The following SPART variants were observed in gnomAD, a reference collection of about 807,000 sequenced individuals.
The protein encoded by SPART is spartin, also known as spastic paraplegia 20 (Troyer syndrome).
In SPART, 35 loss-of-function variants were observed where a neutral mutation model predicts 58.7. The ratio of observed to expected loss-of-function variants is 0.60; its 90% CI spans 0.46 to 0.79. SPART has a LOEUF of 0.79. Ranked by LOEUF, SPART falls within the 30% of genes least tolerant of loss-of-function variation. The probability of loss-of-function intolerance (pLI) is 0.00; values close to 1 mark genes in which losing one functional copy is unlikely to be tolerated. For synonymous variants in SPART, 284 were observed against 280.7 expected (o/e 1.01, Z -0.12); for missense variants, 730 against 786.1 (o/e 0.93, Z 0.85).
intron 1 of SPART, chr13:36,369,995 C>T (rs1036310351): frequency 2.6e-5 from 4 of 152,194 alleles, no homozygotes; most frequent in South Asian, 2.1e-4. Context: ...CCTCCGGCCC[C>T]GCCCAATACC....
At chr13:36,347,528 C>G (rs996996995), upstream of SPART, among the ~76,000 whole-genome samples, 2 of 152,210 alleles carry the variant, frequency 1.3e-5, no homozygotes, top group Non-Finnish European at 2.9e-5. Flanking sequence ...GCTGGGATTA[C>G]AGGCGTGAGT....
chr13:36,340,534 G>A (rs1884477778), intron 1 of SPART, among the ~76,000 whole-genome samples: 1 of 151,972 alleles, frequency 6.6e-6, no homozygotes, highest in African/African-American at 2.4e-5. Context: ...AATAGAAGAA[G>A]GAAATTATAC....
At chr13:36,357,712 G>A (rs902865879) in intron 1 of SPART, among the ~76,000 whole-genome samples, 1 of 152,134 alleles carries the variant, frequency 6.6e-6, no homozygotes, top group Non-Finnish European at 1.5e-5. Flanking sequence ...TGTAATTGTG[G>A]ATTACAAGAA....
intron 1 of SPART, among the ~76,000 whole-genome samples, chr13:36,345,367 A>G (rs1884990231): frequency 6.6e-6 from 1 of 152,228 alleles, no homozygotes; most frequent in Admixed American, 6.5e-5. Flanking sequence ...TGCGAATCAG[A>G]AAATAATTCC....
chr13:36,359,123 G>A (rs951264858), intron 1 of SPART, among the ~76,000 whole-genome samples: 1 of 152,094 alleles, frequency 6.6e-6, no homozygotes, highest in African/African-American at 2.4e-5. Context: ...GTTCTCAAAG[G>A]TTGTTTTCAG....
At chr13:36,326,368 G>C (rs1457005805) in intron 5 of SPART, 8 of 589,552 alleles carry the variant, frequency 1.4e-5, no homozygotes, top group Non-Finnish European at 2.0e-5. Context: ...TAGTAGAACA[G>C]AATAATAGGC....
chr13:36,361,223 T>C (rs1009233290), intron 1 of SPART, among the ~76,000 whole-genome samples: 2 of 152,190 alleles, frequency 1.3e-5, no homozygotes, highest in African/African-American at 2.4e-5. Context: ...ACAAAATACA[T>C]TAAACTAAGC....
chr13:36,343,015 C>T (rs779541825), intron 1 of SPART, among the ~76,000 whole-genome samples: 2 of 152,114 alleles, frequency 1.3e-5, no homozygotes, highest in Non-Finnish European at 2.9e-5. Flanking sequence ...AACAATAAGT[C>T]GAAGGGCTCA....
chr13:36,352,946 C>CT (rs1250708049), intron 1 of SPART, among the ~76,000 whole-genome samples: 1 of 152,000 alleles, frequency 6.6e-6, no homozygotes, highest in African/African-American at 2.4e-5. Context: ...AGTGACAGAA[C>CT]CAGAACCTGT....
intron 5 of SPART, among the ~76,000 whole-genome samples, chr13:36,318,585 A>G (rs556198370): frequency 6.6e-6 from 1 of 152,104 alleles, no homozygotes; most frequent in South Asian, 2.1e-4. Context: ...CAATAATAGA[A>G]AAAAGTTGCA....
intron 5 of SPART, among the ~76,000 whole-genome samples, chr13:36,314,867 AC>A (rs892763156): frequency 6.6e-6 from 1 of 152,218 alleles, no homozygotes; most frequent in African/African-American, 2.4e-5. Context: ...CAGAAACATC[AC>A]AAAATGGAAA....
At chr13:36,352,786 C>CA (rs34599910) in intron 1 of SPART, among the ~76,000 whole-genome samples, 37,624 of 113,162 alleles carry the variant, frequency 0.33, 5,472 homozygotes, top group East Asian at 0.53. Context: ...ATCCCGTTTC[C>CA]AAAAAAAAAA....
intron 7 of SPART, 23 bp downstream of exon 7, chr13:36,312,296 T>G: frequency 6.2e-7 from 1 of 1,614,046 alleles, no homozygotes. Context: ...CCTTCATAGT[T>G]AAAATTCTGG....
At chr13:36,307,215 A>C (rs1680897102) in intron 8 of SPART, among the ~76,000 whole-genome samples, 1 of 152,090 alleles carries the variant, frequency 6.6e-6, no homozygotes, top group East Asian at 1.9e-4. Context: ...ATATACTAAC[A>C]CTACCAATTG....
chr13:36,326,453 T>C, intron 5 of SPART, 122 bp downstream of exon 5: 1 of 1,177,842 alleles, frequency 8.5e-7, no homozygotes, highest in South Asian at 1.3e-5. Flanking sequence ...ATTTCTAAAT[T>C]GATCATTTAA....
At chr13:36,347,579 A>G (rs1250379613), upstream of SPART, among the ~76,000 whole-genome samples, 3 of 152,116 alleles carry the variant, frequency 2.0e-5, no homozygotes, top group East Asian at 5.8e-4. Flanking sequence ...GACTCCCTCA[A>G]ATCTCAGAAA....
At chr13:36,312,113 A>C (rs375330895) in intron 8 of SPART, 32 bp downstream of exon 8, 24 of 1,581,674 alleles carry the variant, frequency 1.5e-5, no homozygotes, top group African/African-American at 2.7e-5. Context: ...AACAAAACAG[A>C]GATTTAGTCA....
At chr13:36,340,938 T>C (rs1032005864) in intron 1 of SPART, among the ~76,000 whole-genome samples, 3 of 152,140 alleles carry the variant, frequency 2.0e-5, no homozygotes, top group African/African-American at 4.8e-5. Context: ...ACACAATGAA[T>C]CTCAATATAA....
At chr13:36,322,559 G>C (rs1019009831) in intron 5 of SPART, among the ~76,000 whole-genome samples, 4 of 152,146 alleles carry the variant, frequency 2.6e-5, no homozygotes, top group Non-Finnish European at 2.9e-5. Context: ...TTTCTGGTAA[G>C]TTTTAATAAT....
Sources: allele counts gnomAD v4.1 joint callset (sites outside exome capture counted in the v4.1 genomes callset), GRCh38; gene constraint gnomAD v4.1.1; transcripts MANE v1.5; gene names NCBI Gene and HGNC (gene_info 2026-07-23, HGNC 2026-07-21).